Variants in RETREG1 observed in about 807,000 individuals in gnomAD.
RETREG1 encodes reticulophagy regulator 1, also known as family with sequence similarity 134 member B.
In RETREG1, 44 loss-of-function variants were observed where a neutral mutation model predicts 54.8. The ratio of observed to expected loss-of-function variants is 0.80; its 90% CI spans 0.63 to 1.03. The LOEUF (loss-of-function observed/expected upper bound fraction) is 1.03, where lower values mean the gene tolerates loss of function less well. RETREG1 is among the 50% of genes least tolerant of loss of function. RETREG1 has a pLI of 0.00. For synonymous variants in RETREG1, 217 were observed against 238.5 expected (o/e 0.91, Z 0.83); for missense variants, 554 against 605.1 (o/e 0.92, Z 0.89).
rs192211209 is a variant in RETREG1 at position 16,512,504 on chromosome 5, A to G, written c.459-29032T>C. 1.1e-4 allele frequency among the ~76,000 whole-genome samples: 16 copies of G among 152,266 alleles called. No individual in the cohort carries two copies. In the East Asian group the frequency reaches 2.9e-3, roughly 28 times the overall value. ...GCAATTTCATCATATAGTATGCCCT[A>G]GAAAACCATTGCCACTTCAAAGCTA... On this transcript the variant is annotated intron_variant, in intron 3 of 8. Coordinates refer to ENST00000306320, the MANE Select transcript of RETREG1 (RefSeq NM_001034850.3).
intron 3 of RETREG1, among the ~76,000 whole-genome samples, chr5:16,552,462 A>T (rs1320514484): frequency 6.6e-6 from 1 of 152,242 alleles, no homozygotes; most frequent in African/African-American, 2.4e-5. Context: ...TTTATATAAG[A>T]CAGTGGATAG....
intron 3 of RETREG1, among the ~76,000 whole-genome samples, chr5:16,525,417 C>T (rs552426270): frequency 1.3e-5 from 2 of 152,310 alleles, no homozygotes; most frequent in Admixed American, 6.5e-5. Flanking sequence ...CAGCTGACCT[C>T]ATGTGAGGAG....
At chr5:16,504,057 C>A (rs574379273) in intron 3 of RETREG1, among the ~76,000 whole-genome samples, 9 of 152,288 alleles carry the variant, frequency 5.9e-5, no homozygotes, top group South Asian at 4.1e-4. Flanking sequence ...CTCCCTCCCC[C>A]CAACCCATCC....
chr5:16,573,407 G>A (rs1263701881), intron 1 of RETREG1, among the ~76,000 whole-genome samples: 2 of 151,950 alleles, frequency 1.3e-5, no homozygotes, highest in Admixed American at 6.5e-5. Flanking sequence ...TGAGATTAGA[G>A]GTCTGTTTAC....
chr5:16,571,908 A>T (rs1190917404), intron 2 of RETREG1, 88 bp downstream of exon 2: 1 of 920,714 alleles, frequency 1.1e-6, no homozygotes. Flanking sequence ...TGTTCAAAGG[A>T]CTAATTGGCT....
rs374687165 is a variant in RETREG1 at position 16,565,215 on chromosome 5, T to C, written c.458+548A>G. On this transcript the variant is annotated intron_variant, in intron 3 of 8. Coordinates refer to ENST00000306320, the MANE Select transcript of RETREG1 (RefSeq NM_001034850.3). ...CCTTTACCATAGAATGGATGAATGATGGACCTTCCATAAAAAGAGAGCTGA... is the reference window on the plus strand; with the variant it reads ...CCTTTACCATAGAATGGATGAATGACGGACCTTCCATAAAAAGAGAGCTGA... Among the ~76,000 whole-genome samples the C allele has an allele frequency of 1.7e-4, 26 of 152,260 alleles. No homozygotes were observed. In the East Asian group the frequency reaches 2.9e-3, roughly 17 times the overall value.
rs997035121 is a variant in RETREG1, at chr5:16,536,756, T to G, written c.458+29007A>C. On this transcript the variant is annotated intron_variant, in intron 3 of 8. Coordinates refer to ENST00000306320, the MANE Select transcript of RETREG1 (RefSeq NM_001034850.3). ...AAAGACTGAAAATCAGTGCAAGGTG[T>G]CAATGGCGCCAAAGTCAACGGATGC... is the stretch of plus-strand genomic sequence containing the variant. Among the ~76,000 whole-genome samples the G allele has an allele frequency of 2.0e-5, 3 of 152,176 alleles. No individual in the cohort carries two copies. In the South Asian group the frequency reaches 6.2e-4, roughly 32 times the overall value.
At chr5:16,504,576 A>G (rs943653635) in intron 3 of RETREG1, among the ~76,000 whole-genome samples, 14 of 152,090 alleles carry the variant, frequency 9.2e-5, no homozygotes, top group South Asian at 4.1e-4. Context: ...TGTCAACCCT[A>G]CTGACCTTTC....
intron 1 of RETREG1, among the ~76,000 whole-genome samples, chr5:16,611,095 T>C (rs1743329204): frequency 6.6e-6 from 1 of 152,232 alleles, no homozygotes; most frequent in African/African-American, 2.4e-5. Context: ...GATGAGTTCA[T>C]GTCCTTTGTA....
At chr5:16,605,694 G>A (rs997738367) in intron 1 of RETREG1, among the ~76,000 whole-genome samples, 1 of 152,174 alleles carries the variant, frequency 6.6e-6, no homozygotes, top group Non-Finnish European at 1.5e-5. Flanking sequence ...ACAATTCTAG[G>A]GGCTGGGAAG....
At chr5:16,616,572 C>A in intron 1 of RETREG1, 80 bp downstream of exon 1, 1 of 1,531,990 alleles carries the variant, frequency 6.5e-7, no homozygotes, top group South Asian at 1.2e-5. Flanking sequence ...GCGGGCTCCC[C>A]CTGCACTGGG....
intron 1 of RETREG1, among the ~76,000 whole-genome samples, chr5:16,603,954 C>T (rs1040178851): frequency 2.6e-4 from 40 of 152,072 alleles, no homozygotes; most frequent in African/African-American, 9.4e-4. Flanking sequence ...ACACACCCTG[C>T]TTTGGTAATC....
chr5:16,481,242 C>A, intron 4 of RETREG1, 149 bp from the exon 5 acceptor site: 1 of 657,770 alleles, frequency 1.5e-6, no homozygotes, highest in South Asian at 1.7e-5. Flanking sequence ...CATTATTTTG[C>A]ACTAAGGGCT....
chr5:16,496,398 C>T (rs1466723092), intron 3 of RETREG1, among the ~76,000 whole-genome samples: 1 of 152,156 alleles, frequency 6.6e-6, no homozygotes, highest in Non-Finnish European at 1.5e-5. Flanking sequence ...ACCCCATGGA[C>T]CTTGCCCCAT....
chr5:16,564,063 T>G (rs910321195), intron 3 of RETREG1, among the ~76,000 whole-genome samples: 2 of 152,244 alleles, frequency 1.3e-5, no homozygotes, highest in African/African-American at 4.8e-5. Flanking sequence ...GTCTGCTCTA[T>G]TTATACAACT....
chr5:16,586,402 A>G, intron 1 of RETREG1, among the ~76,000 whole-genome samples: 1 of 152,192 alleles, frequency 6.6e-6, no homozygotes, highest in East Asian at 1.9e-4. Context: ...TCATCTTTAA[A>G]TTAAGGCACT....
rs371838547 is a variant in RETREG1 at position 16,505,660 on chromosome 5, C to T, written c.459-22188G>A. On this transcript the variant is annotated intron_variant, in intron 3 of 8. Coordinates refer to ENST00000306320, the MANE Select transcript of RETREG1 (RefSeq NM_001034850.3). ...CCTTCAGGACAGCTGGAACAGGGAC[C>T]GTCCCCCTTTCCACACCCCTCAGCC... Among the ~76,000 whole-genome samples the T allele has an allele frequency of 4.0e-3, 607 of 152,248 alleles. 3 individuals carry two copies. Among genetic ancestry groups the T allele is most frequent in the African/African-American group, 0.014 (581 of 41,564 alleles).
intron 3 of RETREG1, among the ~76,000 whole-genome samples, chr5:16,500,790 G>A (rs1739677746): frequency 6.6e-6 from 1 of 152,034 alleles, no homozygotes; most frequent in South Asian, 2.1e-4. Context: ...AGCAATCCTA[G>A]GAAGGGTCAA....
intron 1 of RETREG1, 141 bp downstream of exon 1, chr5:16,616,511 G>C (rs1743513873): frequency 7.1e-7 from 1 of 1,402,086 alleles, no homozygotes; most frequent in African/African-American, 1.5e-5. Context: ...GTTCGAGACA[G>C]GTGGCCGAGA....
Sources: gnomAD v4.1 joint callset for allele counts (sites outside exome capture counted in the v4.1 genomes callset) on GRCh38, gnomAD v4.1.1 for gene constraint, MANE v1.5 for transcripts, NCBI Gene and HGNC (gene_info 2026-07-23, HGNC 2026-07-21) for gene names.